Variants in DOCK10 observed in about 807,000 individuals in gnomAD.
The protein encoded by DOCK10 is dedicator of cytokinesis 10.
A neutral mutation model predicts 280.1 loss-of-function variants in DOCK10; 145 were observed. The observed-to-expected ratio is 0.52, with a 90% CI of 0.45 to 0.59. The LOEUF is 0.59. Among genes scored for constraint, DOCK10 ranks in the 20% least tolerant of loss-of-function variants. The pLI is 0.00. For missense variants in DOCK10, 2,368 were observed against 2,651.7 expected (o/e 0.89, Z 2.35); for synonymous variants, 915 against 942.2 (o/e 0.97, Z 0.53).
At chr2:225,008,293 C>T (rs1200404138) in intron 1 of DOCK10, among the ~76,000 whole-genome samples, 1 of 152,088 alleles carries the variant, frequency 6.6e-6, no homozygotes, top group East Asian at 1.9e-4. Flanking sequence ...GTCACTGTGC[C>T]CTGCCGAGAA....
chr2:225,025,810 T>A (rs552424686), intron 1 of DOCK10, among the ~76,000 whole-genome samples: 5 of 152,314 alleles, frequency 3.3e-5, no homozygotes, highest in Non-Finnish European at 7.4e-5. Context: ...ATTGACAAGT[T>A]ATGGTTAGAA....
At chr2:224,798,032 A>G in intron 41 of DOCK10, 63 bp from the exon 42 acceptor site, 1 of 1,523,804 alleles carries the variant, frequency 6.6e-7, no homozygotes, top group South Asian at 1.2e-5. Flanking sequence ...CTATCAAAAA[A>G]TATTTATTGT....
chr2:224,879,470 A>T (rs1698842099), intron 7 of DOCK10, among the ~76,000 whole-genome samples: 2 of 152,112 alleles, frequency 1.3e-5, no homozygotes, highest in Admixed American at 1.3e-4. Flanking sequence ...AGAAATAGAC[A>T]CTCAGGGCTG....
chr2:224,957,373 C>T (rs1213646520), intron 1 of DOCK10, among the ~76,000 whole-genome samples: 1 of 149,530 alleles, frequency 6.7e-6, no homozygotes, highest in East Asian at 2.0e-4. Context: ...TCACTGCAAC[C>T]TTGAACTCTT....
chr2:224,894,210 T>C (rs1252988516), intron 4 of DOCK10, among the ~76,000 whole-genome samples: 1 of 152,244 alleles, frequency 6.6e-6, no homozygotes, highest in Non-Finnish European at 1.5e-5. Flanking sequence ...AGAATTGCAA[T>C]TAAGCAATAA....
At chr2:224,808,284 C>A (rs1353591106) in intron 31 of DOCK10, among the ~76,000 whole-genome samples, 198 bp from the exon 32 acceptor site, 1 of 152,100 alleles carries the variant, frequency 6.6e-6, no homozygotes, top group African/African-American at 2.4e-5. Flanking sequence ...TAGACAAACA[C>A]AAATACAGGT....
intron 3 of DOCK10, among the ~76,000 whole-genome samples, chr2:224,907,544 CG>C (rs1700724035): frequency 6.6e-6 from 1 of 151,920 alleles, no homozygotes; most frequent in Non-Finnish European, 1.5e-5. Flanking sequence ...AAAAATTAGC[CG>C]GGTGTGGTGG....
In DOCK10 at chr2:224,978,655, CTATAAA is replaced by C. The variant is rs776522502; in HGVS notation, c.124-46993_124-46988del. Among the ~76,000 whole-genome samples the C allele has an allele frequency of 8.5e-5, 13 of 152,272 alleles. No homozygotes were observed. The South Asian group carries it at 2.1e-3, about 24-fold the overall frequency. On this transcript the variant is annotated intron_variant, in intron 1 of 55. Transcript: ENST00000258390. The stretch of plus-strand genomic sequence containing the variant: ...ATTAACTTTCAAATGGATTTATACA[CTATAAA>C]TATTATAGGAGATTAGAAGAGAGAA...
intron 1 of DOCK10, among the ~76,000 whole-genome samples, chr2:224,978,509 T>C (rs1481221346): frequency 6.6e-6 from 1 of 152,170 alleles, no homozygotes; most frequent in Non-Finnish European, 1.5e-5. Context: ...TAGGAAGCGA[T>C]TGCTCTGGTA....
At chr2:224,985,131 G>A (rs1181173902) in intron 1 of DOCK10, among the ~76,000 whole-genome samples, 5 of 151,952 alleles carry the variant, frequency 3.3e-5, no homozygotes, top group Non-Finnish European at 5.9e-5. Context: ...AAATGTGCAC[G>A]GCCTTACTAA....
intron 2 of DOCK10, among the ~76,000 whole-genome samples, chr2:224,926,188 C>T (rs1402941160): frequency 2.0e-5 from 3 of 152,212 alleles, no homozygotes; most frequent in Admixed American, 6.5e-5. Flanking sequence ...AACCCACATA[C>T]AAGGAGGACT....
chr2:224,966,674 G>A (rs1016747601), intron 1 of DOCK10, among the ~76,000 whole-genome samples: 1 of 152,158 alleles, frequency 6.6e-6, no homozygotes, highest in East Asian at 1.9e-4. Flanking sequence ...CCCTGAGAAA[G>A]AGGGGAATAA....
Position 224,852,432 on chromosome 2 carries a change from A to C in DOCK10, c.2087T>G (p.Ile696Arg). 6.4e-7 allele frequency: 1 copy of C among 1,564,544 alleles called. No individual in the cohort carries two copies. Among genetic ancestry groups the C allele is most frequent in the Non-Finnish European group, 8.7e-7 (1 of 1,153,380 alleles). ...SQKCFNKARN[I>R]TVCIEFKNSD... The stretch of plus-strand genomic sequence containing the variant: ...ATTTTTGAATTCAATGCACACAGTT[A>C]TATTCCGTGCCTGAAATTACGGAGA... The change falls in exon 18 of 56, where the codon ATA (isoleucine) becomes AGA (arginine). Residue 696 changes from isoleucine (I) to arginine (R), a missense_variant. Coordinates refer to ENST00000258390, the MANE Select transcript of DOCK10 (RefSeq NM_014689.3).
chr2:224,832,162 C>T (rs187210325), intron 26 of DOCK10, among the ~76,000 whole-genome samples: 3 of 152,330 alleles, frequency 2.0e-5, no homozygotes, highest in Non-Finnish European at 4.4e-5. Context: ...AAATTTTGTG[C>T]TAATCATTCC....
intron 3 of DOCK10, among the ~76,000 whole-genome samples, chr2:224,910,699 T>C (rs1249031796): frequency 6.6e-6 from 1 of 152,224 alleles, no homozygotes; most frequent in Non-Finnish European, 1.5e-5. Flanking sequence ...TGTAATTCTC[T>C]GGGACCATTT....
intron 7 of DOCK10, among the ~76,000 whole-genome samples, chr2:224,881,374 T>TGAATCCC (rs1235552906): frequency 2.0e-5 from 3 of 152,246 alleles, no homozygotes; most frequent in African/African-American, 7.2e-5. Flanking sequence ...TTTTCCAATA[T>TGAATCCC]ATACTAGTAT....
chr2:224,821,480 C>T (rs1694500796), intron 28 of DOCK10, among the ~76,000 whole-genome samples: 1 of 152,204 alleles, frequency 6.6e-6, no homozygotes, highest in South Asian at 2.1e-4. Flanking sequence ...CACCAAATGA[C>T]TACGTTCAGT....
At chr2:224,974,902 G>A (rs1244920329) in intron 1 of DOCK10, among the ~76,000 whole-genome samples, 1 of 124,398 alleles carries the variant, frequency 8.0e-6, no homozygotes, top group Non-Finnish European at 1.9e-5. Flanking sequence ...TTTATCTATA[G>A]CTCTATCTAC....
chr2:224,857,906 T>C (rs980449188), intron 14 of DOCK10, among the ~76,000 whole-genome samples: 5 of 152,164 alleles, frequency 3.3e-5, no homozygotes, highest in Admixed American at 1.3e-4. Flanking sequence ...GCTTTAGTGT[T>C]AAATAGAACA....
Sources: allele counts gnomAD v4.1 joint callset (sites outside exome capture counted in the v4.1 genomes callset), GRCh38; gene constraint gnomAD v4.1.1; transcripts MANE v1.5; gene names NCBI Gene and HGNC (gene_info 2026-07-23, HGNC 2026-07-21).